NKAIN3: variants seen among roughly 807,000 people sequenced by gnomAD.
NKAIN3 encodes the protein sodium/potassium-transporting ATPase subunit beta-1-interacting protein 3.
A neutral mutation model predicts 30.2 loss-of-function variants in NKAIN3; 25 were observed. The observed-to-expected ratio is 0.83, with a 90% confidence interval of 0.60 to 1.16. NKAIN3 has a LOEUF of 1.16. Among genes scored for constraint, NKAIN3 ranks in the 50% most tolerant of loss-of-function variants. The pLI is 0.00. For missense variants in NKAIN3, 225 were observed against 254.1 expected, an observed-to-expected ratio of 0.89 and a Z score of 0.78; for synonymous variants, 91 against 89.6, an observed-to-expected ratio of 1.02 and a Z score of -0.09.
chr8:62,390,501 A>C (rs1412736591), intron 1 of NKAIN3, among the ~76,000 whole-genome samples: 5 of 152,186 alleles, frequency 3.3e-5, no homozygotes, highest in African/African-American at 1.2e-4. Context: ...TGCTGCAATG[A>C]ATATAAACAT....
chr8:62,429,264 T>G (rs956033984), intron 1 of NKAIN3, among the ~76,000 whole-genome samples: 1 of 151,934 alleles, frequency 6.6e-6, no homozygotes, highest in Non-Finnish European at 1.5e-5. Flanking sequence ...TGGCCTTTAT[T>G]GTTTTGAGGT....
intron 3 of NKAIN3, among the ~76,000 whole-genome samples, chr8:62,602,203 C>T (rs140042810): frequency 4.7e-4 from 72 of 152,088 alleles, no homozygotes; most frequent in African/African-American, 1.5e-3. Context: ...GGGTTCAAAT[C>T]GTTTTTACCA....
intron 1 of NKAIN3, among the ~76,000 whole-genome samples, chr8:62,354,633 G>A (rs1816285988): frequency 6.6e-6 from 1 of 152,100 alleles, no homozygotes; most frequent in South Asian, 2.1e-4. Context: ...TAGTAGCAAA[G>A]GGTTTCACCA....
chr8:62,867,197 T>C (rs909197995), intron 4 of NKAIN3, among the ~76,000 whole-genome samples: 39 of 151,836 alleles, frequency 2.6e-4, no homozygotes, highest in African/African-American at 8.5e-4. Context: ...ATTAAAAACA[T>C]GATCTTTAGA....
chr8:62,800,851 C>A (rs1055775985), intron 4 of NKAIN3, among the ~76,000 whole-genome samples: 8 of 152,154 alleles, frequency 5.3e-5, no homozygotes, highest in Admixed American at 3.3e-4. Flanking sequence ...TCAGGGAGTT[C>A]CCTTTCCTAG....
chr8:62,584,479 C>T (rs866737076), intron 2 of NKAIN3, among the ~76,000 whole-genome samples: 1 of 152,178 alleles, frequency 6.6e-6, no homozygotes, highest in South Asian at 2.1e-4. Flanking sequence ...GAGACTCAAG[C>T]TCACCAGTGA....
intron 5 of NKAIN3, among the ~76,000 whole-genome samples, chr8:62,936,180 G>T (rs1822781950): frequency 6.6e-6 from 1 of 152,152 alleles, no homozygotes; most frequent in Non-Finnish European, 1.5e-5. Context: ...CCATCTTCGT[G>T]ATTTCGCAGC....
chr8:62,504,875 C>G (rs1174472103), intron 1 of NKAIN3, among the ~76,000 whole-genome samples: 3 of 152,178 alleles, frequency 2.0e-5, no homozygotes, highest in African/African-American at 4.8e-5. Flanking sequence ...GTCCCTCAAA[C>G]AAGCTATCCA....
At position 62,968,672 on chromosome 8, in the gene NKAIN3, T is replaced by C. The variant is rs1398125807; in HGVS notation, c.*3265T>C. On this transcript the variant is annotated 3_prime_UTR_variant, in exon 7 of 7. Coordinates refer to ENST00000623646, the MANE Select transcript of NKAIN3 (RefSeq NM_001304533.3). ...AATGGTGAACATTTAAAGCCAGTGT[T>C]TTTCCTCTTGGAGCCACCTTAGCAC... 6.6e-6 allele frequency among the ~76,000 whole-genome samples: 1 copy of C among 152,162 alleles called. No individual in the cohort carries two copies. The highest frequency in any genetic ancestry group is 1.9e-4 in the East Asian group (1 of 5,186).
intron 4 of NKAIN3, among the ~76,000 whole-genome samples, chr8:62,860,562 C>T (rs1820210288): frequency 6.6e-6 from 1 of 152,242 alleles, no homozygotes; most frequent in Admixed American, 6.5e-5. Flanking sequence ...GCCCAGCTCA[C>T]AGACCTTGAA....
At chr8:62,349,853 C>T (rs1368847323) in intron 1 of NKAIN3, among the ~76,000 whole-genome samples, 1 of 152,186 alleles carries the variant, frequency 6.6e-6, no homozygotes, top group African/African-American at 2.4e-5. Flanking sequence ...TCATCTCTTC[C>T]TCCTGCTCCT....
At chr8:62,801,851 A>G (rs1451887197) in intron 4 of NKAIN3, among the ~76,000 whole-genome samples, 2 of 152,344 alleles carry the variant, frequency 1.3e-5, no homozygotes, top group Non-Finnish European at 1.5e-5. Flanking sequence ...AACCAAAGGC[A>G]AAGAAGTTAA....
rs114261634 is a variant in NKAIN3 at position 62,532,707 on chromosome 8, T to C, written c.55-46832T>C. 5.6e-3 allele frequency among the ~76,000 whole-genome samples: 846 copies of C among 152,326 alleles called. 8 individuals carry two copies. The highest frequency in any genetic ancestry group is 0.019 in the African/African-American group (808 of 41,572). On this transcript the variant is annotated intron_variant, in intron 1 of 6. Transcript: ENST00000623646. ...AAATCTCATTGTTATCCCGCTCTGC[T>C]TCCAATTCCATTCTATGAAAAGGCT... is the stretch of plus-strand genomic sequence containing the variant.
chr8:62,468,339 G>A (rs532495008), intron 1 of NKAIN3, among the ~76,000 whole-genome samples: 6 of 152,208 alleles, frequency 3.9e-5, no homozygotes, highest in Non-Finnish European at 7.4e-5. Flanking sequence ...GTAGATCTCA[G>A]TTTTATCATT....
At chr8:62,800,496 T>C (rs374929045) in intron 4 of NKAIN3, among the ~76,000 whole-genome samples, 2 of 152,292 alleles carry the variant, frequency 1.3e-5, no homozygotes. Flanking sequence ...AAGGAGGAAT[T>C]CCCAGTACAC....
At chr8:62,365,368 G>GT (rs11397022) in intron 1 of NKAIN3, among the ~76,000 whole-genome samples, 147,493 of 152,152 alleles carry the variant, frequency 0.97, 71,544 homozygotes, top group East Asian at 1. Flanking sequence ...ATATGGTATT[G>GT]TTTGCATATT....
At chr8:62,566,500 G>A (rs1336229905) in intron 1 of NKAIN3, among the ~76,000 whole-genome samples, 2 of 152,002 alleles carry the variant, frequency 1.3e-5, no homozygotes, top group Non-Finnish European at 2.9e-5. Context: ...TTATAAAACC[G>A]AATCTAAAAG....
intron 3 of NKAIN3, among the ~76,000 whole-genome samples, chr8:62,635,276 T>A (rs1278414401): frequency 1.3e-5 from 2 of 152,200 alleles, no homozygotes; most frequent in African/African-American, 4.8e-5. Context: ...GCTCTCTCAA[T>A]CATTATTTTA....
rs144959294 is a variant in NKAIN3 at position 62,647,955 on chromosome 8, C to T, written c.273+58161C>T. 6.3e-3 allele frequency among the ~76,000 whole-genome samples: 958 copies of T among 152,072 alleles called. 3 individuals are homozygous for T. The highest frequency in any genetic ancestry group is 0.011 in the South Asian group (52 of 4,810). ...CAGTGGAGATGGAAAGAACTTGATGCAGGTGGGGTGGATTTAGAGGTAATA... is the reference window on the plus strand; with the variant it reads ...CAGTGGAGATGGAAAGAACTTGATGTAGGTGGGGTGGATTTAGAGGTAATA... On this transcript the variant is annotated intron_variant, in intron 3 of 6. Transcript: ENST00000623646.
Sources: gnomAD v4.1 joint callset for allele counts (sites outside exome capture counted in the v4.1 genomes callset) on GRCh38, gnomAD v4.1.1 for gene constraint, MANE v1.5 for transcripts, NCBI Gene and HGNC (gene_info 2026-07-23, HGNC 2026-07-21) for gene names.